RNPC3: variants seen among roughly 807,000 people sequenced by gnomAD.
The protein encoded by RNPC3 is RNA binding region (RNP1, RRM) containing 3, also known as RNA-binding region-containing protein 3.
In RNPC3, 48 loss-of-function variants were observed where a neutral mutation model predicts 67.5. The ratio of observed to expected loss-of-function variants is 0.71; its 90% CI spans 0.56 to 0.90. The LOEUF is 0.90. Among genes scored for constraint, RNPC3 ranks in the 40% least tolerant of loss-of-function variants. The pLI is 0.00. For missense variants in RNPC3, 637 were observed against 626.1 expected (o/e 1.02, Z -0.19); for synonymous variants, 239 against 210.3 (o/e 1.14, Z -1.18).
chr1:103,541,353 G>T lies in RNPC3; in HGVS notation c.771G>T (p.Met257Ile). The change falls in exon 8 of 15, where the codon ATG becomes ATT. Residue 257 changes from methionine to isoleucine, a missense_variant. Met to Ile is a conservative substitution (Grantham distance 10). Coordinates refer to ENST00000423855, the MANE Select transcript of RNPC3 (RefSeq NM_017619.4). Reference sequence around the variant, plus strand: ...ATCATCCCTCTCCTCATTGTAGAATGAACAAATTAATGGAACTAGCAAATC... The same window carrying T: ...ATCATCCCTCTCCTCATTGTAGAATTAACAAATTAATGGAACTAGCAAATC... ...ESTDDEDRQR[M>I]NKLMELANLQ... 1 of 1,506,090 alleles carries T rather than the reference G, an allele frequency of 6.6e-7. No homozygotes were observed. The highest frequency in any genetic ancestry group is 1.3e-5 in the South Asian group (1 of 79,966). The allele number at this position is 1,506,090 out of a possible 1,614,324, so 93.3% of individuals were successfully genotyped here.
At chr1:103,542,809 A>G (rs994755702) in intron 8 of RNPC3, among the ~76,000 whole-genome samples, 3 of 151,838 alleles carry the variant, frequency 2.0e-5, no homozygotes, top group African/African-American at 7.2e-5. Context: ...TATTGATTAT[A>G]TGCTGAAATA....
chr1:103,546,177 A>C, intron 10 of RNPC3, 71 bp from the exon 11 acceptor site: 1 of 691,268 alleles, frequency 1.4e-6, no homozygotes, highest in Non-Finnish European at 2.1e-6. Context: ...AGGTTTCAAA[A>C]TTGTAATTAT....
intron 2 of RNPC3, among the ~76,000 whole-genome samples, chr1:103,532,534 G>C (rs919592372): frequency 8.5e-5 from 13 of 152,090 alleles, no homozygotes; most frequent in African/African-American, 2.9e-4. Context: ...TTAGCATACA[G>C]ATTTAAAGTT....
At chr1:103,546,831 C>A in intron 11 of RNPC3, 146 bp from the exon 12 acceptor site, 1 of 518,822 alleles carries the variant, frequency 1.9e-6, no homozygotes, top group Non-Finnish European at 3.4e-6. Context: ...CCAAATTTCC[C>A]CTTTTGAAAG....
chr1:103,541,218 A>T (rs1212829752), intron 7 of RNPC3, 132 bp from the exon 8 acceptor site: 1 of 590,432 alleles, frequency 1.7e-6, no homozygotes, highest in African/African-American at 2.0e-5. Flanking sequence ...TGTTCTATAT[A>T]TTTGATGTAA....
In RNPC3 at chr1:103,543,431, T is replaced by G. The variant is rs771858190; in HGVS notation, c.1029T>G (p.Cys343Trp). The change falls in exon 9 of 15, where the codon TGT becomes TGG. Residue 343 changes from cysteine to tryptophan, a missense_variant. By Grantham distance (215) the Cys-to-Trp change is radical (BLOSUM62 -2). Coordinates refer to ENST00000423855, the MANE Select transcript of RNPC3 (RefSeq NM_017619.4). The stretch of plus-strand genomic sequence containing the variant: ...AAGATTTAGAAAAGGAACAAAATTG[T>G]GAGGAAAAAAATCATGGTAAGGATA... ...FKKDLEKEQNCEEKNHDLPAT... is the reference protein window; with the variant it reads ...FKKDLEKEQNWEEKNHDLPAT... 4.4e-5 allele frequency: 66 copies of G among 1,506,852 alleles called. No individual in the cohort carries two copies. The highest frequency in any genetic ancestry group is 5.6e-5 in the Non-Finnish European group (63 of 1,134,644). The allele number at this position is 1,506,852 out of a possible 1,614,324, so 93.3% of individuals were successfully genotyped here.
chr1:103,536,177 A>C lies in RNPC3; in HGVS notation c.607A>C (p.Thr203Pro), dbSNP rs1447117103. The C allele has an allele frequency of 2.6e-6, 4 of 1,536,024 alleles. No homozygotes were observed. The highest frequency in any genetic ancestry group is 3.5e-6 in the Non-Finnish European group (4 of 1,145,914). ...MNLPTPFGPI[T>P]ARPPMYEDYM... Reference sequence around the variant, plus strand: ...TTTGCCCACACCTTTTGGACCAATTACTGCGCGACCTCCCATGGTAAGAAA... The same window carrying C: ...TTTGCCCACACCTTTTGGACCAATTCCTGCGCGACCTCCCATGGTAAGAAA... The change falls in exon 6 of 15, where the codon ACT becomes CCT. Residue 203 changes from threonine to proline, a missense_variant. Physicochemically the swap from Thr to Pro is conservative, Grantham distance 38. Around this residue, in one of 3 missense-constraint regions of RNPC3, gnomAD observed 536 missense variants for 500.3 expected, o/e 1.07. Transcript: ENST00000423855.
intron 11 of RNPC3, 150 bp downstream of exon 11, chr1:103,546,492 G>T: frequency 2.4e-6 from 1 of 423,642 alleles, no homozygotes; most frequent in Non-Finnish European, 4.1e-6. Context: ...GTATTTTCAG[G>T]TTAATTTTTT....
At chr1:103,528,629 A>T (rs1339956520) in intron 2 of RNPC3, among the ~76,000 whole-genome samples, 1 of 152,156 alleles carries the variant, frequency 6.6e-6, no homozygotes. Flanking sequence ...GGATGAATTC[A>T]CTTGTCATCT....
chr1:103,527,566 G>C, intron 1 of RNPC3, 129 bp from the exon 2 acceptor site: 1 of 713,604 alleles, frequency 1.4e-6, no homozygotes, highest in Non-Finnish European at 2.5e-6. Context: ...TCAGTTAAAT[G>C]GTCTTGAGTT....
In RNPC3 at chr1:103,537,404, A is replaced by G; in HGVS notation, c.687A>G (p.Glu229=). 6.5e-7 allele frequency: 1 copy of G among 1,535,010 alleles called. No individual in the cohort carries two copies. The highest frequency in any genetic ancestry group is 2.4e-5 in the East Asian group (1 of 40,884). The change falls in exon 7 of 15, where the codon GAA becomes GAG. Residue 229 remains glutamate (E), a synonymous_variant. Transcript: ENST00000423855. ...CCACATCTCCTCAGCCACCTGAGGA[A>G]CCTCCTTTGCCAGACGAGGATGAGG... ...LPPTSPQPPE[E]PPLPDEDEEL... is the part of the protein sequence containing the mutation.
Position 103,527,749 on chromosome 1 carries a change from C to G in RNPC3, c.240+7C>G, listed in dbSNP as rs1238752151. ...TGAAAAAGCAGCTATAAAGGTATGA[C>G]TTTTTCTTGACGATTAAAGTTGTCA... is the stretch of plus-strand genomic sequence containing the variant. On this transcript the variant is annotated splice_region_variant and intron_variant, in intron 2 of 14. Coordinates refer to ENST00000423855, the MANE Select transcript of RNPC3 (RefSeq NM_017619.4). The G allele has an allele frequency of 1.9e-6, 3 of 1,539,918 alleles. No individual in the cohort carries two copies. In the Admixed American group the frequency reaches 5.9e-5, roughly 30 times the overall value.
intron 12 of RNPC3, among the ~76,000 whole-genome samples, chr1:103,547,581 T>C (rs1039989334): frequency 6.6e-6 from 1 of 152,206 alleles, no homozygotes; most frequent in Non-Finnish European, 1.5e-5. Context: ...CCAAAGACTA[T>C]GCTTTGAAAA....
chr1:103,540,448 C>T (rs570973794), intron 7 of RNPC3, among the ~76,000 whole-genome samples: 2 of 152,138 alleles, frequency 1.3e-5, no homozygotes, highest in Non-Finnish European at 2.9e-5. Flanking sequence ...ATGCCTAGCA[C>T]TCTTGTAGAG....
At chr1:103,531,743 T>G (rs1190358466) in intron 2 of RNPC3, among the ~76,000 whole-genome samples, 1 of 152,180 alleles carries the variant, frequency 6.6e-6, no homozygotes, top group African/African-American at 2.4e-5. Flanking sequence ...AGTGGTTTTT[T>G]TGGATGTATA....
Position 103,525,793 on chromosome 1 carries a change from C to G in RNPC3, c.-278C>G, listed in dbSNP as rs913971542. 1 of 345,932 alleles carries G rather than the reference C, an allele frequency of 2.9e-6. No homozygotes were observed. The highest frequency in any genetic ancestry group is 5.3e-6 in the Non-Finnish European group (1 of 188,664). The allele number at this position is 345,932 out of a possible 1,614,324, so 21.4% of individuals were successfully genotyped here. A position where few individuals can be genotyped will look rare whatever the true frequency, so the allele number is the denominator to read the frequency against. ...TTCTTTGATTGACAACTTGTGTTAACCCTCGCACATCTCTGGGCCAATTTT... is the reference window on the plus strand; with the variant it reads ...TTCTTTGATTGACAACTTGTGTTAAGCCTCGCACATCTCTGGGCCAATTTT... On this transcript the variant is annotated 5_prime_UTR_variant, in exon 1 of 15. Coordinates refer to ENST00000423855, the MANE Select transcript of RNPC3 (RefSeq NM_017619.4).
At chr1:103,543,195 T>C in intron 8 of RNPC3, 101 bp from the exon 9 acceptor site, 1 of 816,578 alleles carries the variant, frequency 1.2e-6, no homozygotes, top group Non-Finnish European at 1.7e-6. Flanking sequence ...GTGAGTCCTT[T>C]ATCAGTGTTA....
intron 8 of RNPC3, among the ~76,000 whole-genome samples, chr1:103,541,980 C>G (rs1214513549): frequency 6.6e-6 from 1 of 151,974 alleles, no homozygotes; most frequent in African/African-American, 2.4e-5. Context: ...ACTTGGCACA[C>G]AGGACTAACC....
chr1:103,527,885 A>G (rs1650756892), intron 2 of RNPC3, 143 bp downstream of exon 2: 2 of 617,868 alleles, frequency 3.2e-6, no homozygotes, highest in African/African-American at 1.9e-5. Flanking sequence ...TTGATTTGTC[A>G]GTTGGCAGAT....
Sources: allele counts gnomAD v4.1 joint callset (sites outside exome capture counted in the v4.1 genomes callset), GRCh38; gene constraint gnomAD v4.1.1; regional missense constraint gnomAD v4.1.1; transcripts MANE v1.5; gene names NCBI Gene and HGNC (gene_info 2026-07-23, HGNC 2026-07-21).